Variants in ZBTB7C observed in about 807,000 individuals in gnomAD.
ZBTB7C encodes zinc finger and BTB domain containing 7C, also known as zinc finger and BTB domain-containing protein 7C.
Under a neutral mutation model 25.7 loss-of-function variants are expected in ZBTB7C, and 8 were observed. That is an observed-to-expected ratio of 0.31 (90% confidence interval 0.18 to 0.56). The LOEUF is 0.56. ZBTB7C is among the 20% of genes least tolerant of loss of function. The probability of loss-of-function intolerance (pLI) is 0.91; values close to 1 mark genes in which losing one functional copy is unlikely to be tolerated. For missense variants in ZBTB7C, 824 were observed against 855.2 expected (o/e 0.96, Z 0.46); for synonymous variants, 394 against 369.0 (o/e 1.07, Z -0.78).
At chr18:48,217,798 G>A (rs1282439996) in intron 2 of ZBTB7C, among the ~76,000 whole-genome samples, 14 of 152,186 alleles carry the variant, frequency 9.2e-5, no homozygotes, top group Non-Finnish European at 4.4e-5. Context: ...TGACTAGAGG[G>A]TGGTGGCCTT....
At chr18:48,261,277 T>C (rs952581842) in intron 2 of ZBTB7C, among the ~76,000 whole-genome samples, 5 of 152,180 alleles carry the variant, frequency 3.3e-5, no homozygotes, top group African/African-American at 1.2e-4. Flanking sequence ...GTGGATTTAA[T>C]ATCTCGAGTG....
chr18:48,211,382 C>T (rs1007946382), intron 2 of ZBTB7C, among the ~76,000 whole-genome samples: 16 of 152,014 alleles, frequency 1.1e-4, no homozygotes, highest in African/African-American at 2.9e-4. Context: ...GCAAAAAACA[C>T]GTCAAGAGAA....
chr18:48,145,087 A>T (rs1360878128), intron 3 of ZBTB7C, among the ~76,000 whole-genome samples: 1 of 152,058 alleles, frequency 6.6e-6, no homozygotes, highest in Non-Finnish European at 1.5e-5. Context: ...AGTCTTGGGC[A>T]TCTTTGTTGG....
chr18:48,375,154 C>T (rs2047489488), intron 1 of ZBTB7C, among the ~76,000 whole-genome samples: 1 of 152,226 alleles, frequency 6.6e-6, no homozygotes, highest in Non-Finnish European at 1.5e-5. Context: ...GTGCACTCCC[C>T]CTACCCACCC....
chr18:48,036,162 C>A (rs2035960617), intron 4 of ZBTB7C, among the ~76,000 whole-genome samples: 1 of 152,244 alleles, frequency 6.6e-6, no homozygotes. Flanking sequence ...CCTGGTAGGA[C>A]TGGCTGGAAT....
intron 1 of ZBTB7C, among the ~76,000 whole-genome samples, chr18:48,345,914 T>C (rs541052019): frequency 6.6e-6 from 1 of 152,366 alleles, no homozygotes; most frequent in Admixed American, 6.5e-5. Context: ...AATGGGTTTA[T>C]GGGATCTCTT....
chr18:48,209,398 T>C (rs1435510562), intron 2 of ZBTB7C, among the ~76,000 whole-genome samples: 1 of 152,228 alleles, frequency 6.6e-6, no homozygotes, highest in Non-Finnish European at 1.5e-5. Flanking sequence ...TTTAACAAAC[T>C]TAAATTTTAG....
At chr18:48,323,950 G>A (rs574199740) in intron 2 of ZBTB7C, among the ~76,000 whole-genome samples, 1 of 152,102 alleles carries the variant, frequency 6.6e-6, no homozygotes, top group South Asian at 2.1e-4. Flanking sequence ...GATAAGATCA[G>A]AAGGGCAGAG....
At chr18:48,246,207 C>T (rs1380373108) in intron 2 of ZBTB7C, among the ~76,000 whole-genome samples, 1 of 152,004 alleles carries the variant, frequency 6.6e-6, no homozygotes, top group African/African-American at 2.4e-5. Flanking sequence ...AATCTCAGCA[C>T]TTTGGGAGGC....
At chr18:48,300,905 C>T (rs2045527855) in intron 2 of ZBTB7C, among the ~76,000 whole-genome samples, 1 of 152,238 alleles carries the variant, frequency 6.6e-6, no homozygotes, top group Admixed American at 6.5e-5. Context: ...GAGAATGTAC[C>T]TCCAAGAGGA....
At chr18:48,113,511 AG>A (rs1267464323) in intron 3 of ZBTB7C, among the ~76,000 whole-genome samples, 1 of 152,240 alleles carries the variant, frequency 6.6e-6, no homozygotes, top group African/African-American at 2.4e-5. Context: ...CAGGGGCAGG[AG>A]GTGCCCCGGC....
Position 48,274,297 on chromosome 18 carries a change from T to G in ZBTB7C, c.-79+63877A>C, listed in dbSNP as rs368166308. Reference sequence around the variant, plus strand: ...CAGTTGTGCTGCATGGTTTATTTGTTAAATCAGATATTTTGAACTTGAATC... The same window carrying G: ...CAGTTGTGCTGCATGGTTTATTTGTGAAATCAGATATTTTGAACTTGAATC... On this transcript the variant is annotated intron_variant, in intron 2 of 4. Coordinates refer to ENST00000590800, the MANE Select transcript of ZBTB7C (RefSeq NM_001318841.2). 1.3e-4 allele frequency among the ~76,000 whole-genome samples: 20 copies of G among 152,356 alleles called. No homozygotes were observed. The East Asian group carries it at 2.3e-3, about 18-fold the overall frequency.
intron 3 of ZBTB7C, among the ~76,000 whole-genome samples, chr18:48,101,555 C>G (rs1328411020): frequency 8.5e-5 from 13 of 152,164 alleles, no homozygotes; most frequent in Non-Finnish European, 1.0e-4. Flanking sequence ...CTTTGATTTT[C>G]TAAGCAGCTG....
rs546503590 is a variant in ZBTB7C, at chr18:48,272,609, G to C, written c.-79+65565C>G. Among the ~76,000 whole-genome samples, 29 of 152,064 alleles carry C rather than the reference G, an allele frequency of 1.9e-4. 2 individuals are homozygous for C. In the South Asian group the frequency reaches 5.0e-3, roughly 26 times the overall value. On this transcript the variant is annotated intron_variant, in intron 2 of 4. Coordinates refer to ENST00000590800, the MANE Select transcript of ZBTB7C (RefSeq NM_001318841.2). ...GGAAAGAGTGAAGAGTTTCTCAAAGGTTAAAGGTATAGTTTCCAAAAGACC... is the reference window on the plus strand; with the variant it reads ...GGAAAGAGTGAAGAGTTTCTCAAAGCTTAAAGGTATAGTTTCCAAAAGACC...
chr18:48,383,890 A>G (rs2047688221), intron 1 of ZBTB7C, among the ~76,000 whole-genome samples: 1 of 152,104 alleles, frequency 6.6e-6, no homozygotes, highest in African/African-American at 2.4e-5. Flanking sequence ...GGAGCTCTGG[A>G]AGCCAGGCTG....
chr18:48,253,098 AGCT>A (rs2043916679), intron 2 of ZBTB7C, among the ~76,000 whole-genome samples: 1 of 152,156 alleles, frequency 6.6e-6, no homozygotes, highest in Non-Finnish European at 1.5e-5. Context: ...CAGTGCCCTG[AGCT>A]GGCCCTTTAA....
At chr18:48,073,752 G>A (rs906664438) in intron 3 of ZBTB7C, among the ~76,000 whole-genome samples, 2 of 151,994 alleles carry the variant, frequency 1.3e-5, no homozygotes, top group African/African-American at 4.8e-5. Context: ...CTCTCTTTAA[G>A]GGCCAGGCTG....
intron 3 of ZBTB7C, among the ~76,000 whole-genome samples, chr18:48,057,946 T>C (rs1423714290): frequency 6.6e-6 from 1 of 152,188 alleles, no homozygotes; most frequent in Non-Finnish European, 1.5e-5. Context: ...TGCACGGTAA[T>C]GTCCCCGTGG....
intron 3 of ZBTB7C, chr18:48,147,741 G>T (rs887321540): frequency 6.6e-6 from 1 of 150,552 alleles, no homozygotes; most frequent in East Asian, 2.0e-4. Context: ...TCAGCCTCTG[G>T]AGTAGCTGGG....
Sources: allele counts gnomAD v4.1 joint callset (sites outside exome capture counted in the v4.1 genomes callset), GRCh38; gene constraint gnomAD v4.1.1; transcripts MANE v1.5; gene names NCBI Gene and HGNC (gene_info 2026-07-23, HGNC 2026-07-21).